Variants in LRP1B observed in about 807,000 individuals in gnomAD.
LRP1B encodes the protein low-density lipoprotein receptor-related protein 1B.
A neutral mutation model predicts 556.6 loss-of-function variants in LRP1B; 217 were observed. That is an observed-to-expected ratio of 0.39 (90% CI 0.35 to 0.44). The LOEUF (loss-of-function observed/expected upper bound fraction) is 0.44, where lower values mean the gene tolerates loss of function less well. Ranked by LOEUF, LRP1B falls within the 20% of genes least tolerant of loss-of-function variation. LRP1B has a pLI of 1.00. For missense variants in LRP1B, 5,053 were observed against 5,620.8 expected, an observed-to-expected ratio of 0.90 and a Z score of 3.23; for synonymous variants, 2,047 against 1,865.8, an observed-to-expected ratio of 1.10 and a Z score of -2.50.
chr2:141,858,336 A>G (rs1698131258), intron 1 of LRP1B, among the ~76,000 whole-genome samples: 1 of 152,218 alleles, frequency 6.6e-6, no homozygotes, highest in African/African-American at 2.4e-5. Context: ...TAACACAGTT[A>G]TTTCCTCATT....
rs1683370235 is a variant in LRP1B, at chr2:141,229,272, T to C, written c.761A>G (p.Glu254Gly). 1 of 1,611,550 alleles carries C rather than the reference T, an allele frequency of 6.2e-7. No individual in the cohort carries two copies. The highest frequency in any genetic ancestry group is 2.2e-5 in the East Asian group (1 of 44,750). Reference protein sequence around the residue: ...EDMICWIESRESSNQLKCIQI... With the variant: ...EDMICWIESRGSSNQLKCIQI... The stretch of plus-strand genomic sequence containing the variant: ...GATACATTTGAGTTGATTTGAAGAT[T>C]CTCTTGATTCAATCCAACAAATCAT... Residue 254 changes from glutamate to glycine, a missense_variant, in exon 6 of 91, where the codon GAA becomes GGA. Physicochemically the swap from Glu to Gly is moderately conservative, Grantham distance 98. Transcript: ENST00000389484.
intron 3 of LRP1B, among the ~76,000 whole-genome samples, chr2:141,312,857 T>G (rs1286650535): frequency 6.6e-6 from 1 of 152,078 alleles, no homozygotes; most frequent in Non-Finnish European, 1.5e-5. Flanking sequence ...ATTTTTGTAT[T>G]TTTAGTAGAG....
At chr2:142,077,263 T>A (rs1040150779) in intron 1 of LRP1B, among the ~76,000 whole-genome samples, 1 of 152,062 alleles carries the variant, frequency 6.6e-6, no homozygotes, top group Non-Finnish European at 1.5e-5. Flanking sequence ...TAACATATTC[T>A]TATAAAGAGT....
At chr2:142,125,927 G>A (rs181849588) in intron 1 of LRP1B, among the ~76,000 whole-genome samples, 140 of 151,948 alleles carry the variant, frequency 9.2e-4, no homozygotes, top group African/African-American at 3.3e-3. Context: ...TATGGGGGAA[G>A]CCAGGTTTCT....
chr2:140,923,442 T>C (rs561102650), intron 20 of LRP1B, among the ~76,000 whole-genome samples: 9 of 152,204 alleles, frequency 5.9e-5, no homozygotes, highest in African/African-American at 2.2e-4. Flanking sequence ...TTGCGGATAT[T>C]CTGTTGTGGT....
chr2:140,315,047 C>G lies in LRP1B; in HGVS notation c.12693G>C (p.Glu4231Asp), dbSNP rs751711082. The G allele has an allele frequency of 1.1e-5, 17 of 1,611,464 alleles. No individual in the cohort carries two copies. Among genetic ancestry groups the G allele is most frequent in the South Asian group, 2.2e-5 (2 of 90,728 alleles). Reference protein sequence around the residue: ...CENGGRCILNEKGDLRCHCWP... With the variant: ...CENGGRCILNDKGDLRCHCWP... ...AACAGTGACACCTCAAATCACCTTTCTCATTTAAAATGCATCTTCCTCCAT... is the reference window on the plus strand; with the variant it reads ...AACAGTGACACCTCAAATCACCTTTGTCATTTAAAATGCATCTTCCTCCAT... Residue 4231 changes from glutamate (E) to aspartate (D), a missense_variant, in exon 83 of 91, where the codon GAG becomes GAC. This residue lies in a region of LRP1B where 551 missense variants were observed against 592.0 expected (regional missense o/e 0.93). Transcript: ENST00000389484.
intron 3 of LRP1B, among the ~76,000 whole-genome samples, chr2:141,394,178 A>G (rs932900814): frequency 2.0e-5 from 3 of 152,292 alleles, no homozygotes; most frequent in East Asian, 3.9e-4. Context: ...TGTTAACTGC[A>G]TAATAAGAAA....
chr2:141,220,221 C>G (rs558550394), intron 6 of LRP1B, among the ~76,000 whole-genome samples: 4 of 152,248 alleles, frequency 2.6e-5, no homozygotes, highest in African/African-American at 9.6e-5. Flanking sequence ...CCAGTTTAGA[C>G]AGGAACATAA....
intron 3 of LRP1B, among the ~76,000 whole-genome samples, chr2:141,274,816 T>C (rs184010226): frequency 1.8e-3 from 269 of 152,296 alleles, no homozygotes; most frequent in African/African-American, 6.1e-3. Context: ...AGCAGTTAAG[T>C]ACTACCTTAA....
intron 2 of LRP1B, among the ~76,000 whole-genome samples, chr2:141,669,087 C>T (rs1690563785): frequency 6.6e-6 from 1 of 150,970 alleles, no homozygotes; most frequent in African/African-American, 2.4e-5. Context: ...CCCCAAGAAC[C>T]TCAGAATATG....
At chr2:140,407,763 G>A (rs961762207) in intron 66 of LRP1B, among the ~76,000 whole-genome samples, 3 of 151,804 alleles carry the variant, frequency 2.0e-5, no homozygotes, top group Non-Finnish European at 2.9e-5. Context: ...TTTGGAAAAC[G>A]GTATGGAAAT....
intron 6 of LRP1B, among the ~76,000 whole-genome samples, chr2:141,199,577 C>A (rs1681910690): frequency 6.6e-6 from 1 of 152,076 alleles, no homozygotes; most frequent in Admixed American, 6.6e-5. Context: ...GTCTGCTTTT[C>A]TTTGAACCTG....
At chr2:140,310,712 T>G (rs1684261274) in intron 83 of LRP1B, among the ~76,000 whole-genome samples, 1 of 151,858 alleles carries the variant, frequency 6.6e-6, no homozygotes, top group Admixed American at 6.6e-5. Flanking sequence ...AGAATGAAAT[T>G]AGAGCCCTAA....
intron 61 of LRP1B, 135 bp downstream of exon 61, chr2:140,457,328 A>G (rs1687144456): frequency 1.4e-6 from 1 of 709,150 alleles, no homozygotes; most frequent in Non-Finnish European, 2.3e-6. Flanking sequence ...GAATTCTTCC[A>G]TAAAGTGATG....
At position 141,481,233 on chromosome 2, in the gene LRP1B, G is replaced by A. The variant is rs1358308194; in HGVS notation, c.206-700C>T. The stretch of plus-strand genomic sequence containing the variant: ...TAAGATAAGCTTAAATCAGAACATA[G>A]GGTCTTTTCTCAAAGTTTACCCATT... On this transcript the variant is annotated intron_variant, in intron 2 of 90. Coordinates refer to ENST00000389484, the MANE Select transcript of LRP1B (RefSeq NM_018557.3). Among the ~76,000 whole-genome samples the A allele has an allele frequency of 2.0e-5, 3 of 152,092 alleles. No individual in the cohort carries two copies. The East Asian group carries it at 5.8e-4, about 29-fold the overall frequency.
At chr2:140,442,325 C>T (rs1262356385) in intron 66 of LRP1B, among the ~76,000 whole-genome samples, 179 bp downstream of exon 66, 1 of 152,196 alleles carries the variant, frequency 6.6e-6, no homozygotes, top group African/African-American at 2.4e-5. Context: ...CATCTTATCA[C>T]TCCAGGCTTC....
At chr2:141,376,160 C>T (rs1042476829) in intron 3 of LRP1B, among the ~76,000 whole-genome samples, 1 of 152,150 alleles carries the variant, frequency 6.6e-6, no homozygotes, top group Non-Finnish European at 1.5e-5. Flanking sequence ...TAGCACTCAG[C>T]TCAAGCTGCT....
At chr2:141,548,774 G>T (rs185260640) in intron 2 of LRP1B, among the ~76,000 whole-genome samples, 1 of 152,198 alleles carries the variant, frequency 6.6e-6, no homozygotes, top group Admixed American at 6.5e-5. Context: ...AGTGCATATG[G>T]TATGGCTGAA....
At chr2:141,290,823 T>TTTTTACTATGTAGCTGGTG (rs1208583923) in intron 3 of LRP1B, among the ~76,000 whole-genome samples, 1 of 152,156 alleles carries the variant, frequency 6.6e-6, no homozygotes, top group African/African-American at 2.4e-5. Context: ...AGCTGGTGAT[T>TTTTTACTATGTAGCTGGTG]AATTTCTAAG....
Sources: allele counts gnomAD v4.1 joint callset (sites outside exome capture counted in the v4.1 genomes callset), GRCh38; gene constraint gnomAD v4.1.1; regional missense constraint gnomAD v4.1.1; transcripts MANE v1.5; gene names NCBI Gene and HGNC (gene_info 2026-07-23, HGNC 2026-07-21).